The following HECW1 variants were observed in gnomAD, a reference collection of about 807,000 sequenced individuals.
HECW1 encodes the protein HECT, C2 and WW domain containing E3 ubiquitin protein ligase 1.
A neutral mutation model predicts 182.3 loss-of-function variants in HECW1; 61 were observed. The ratio of observed to expected loss-of-function variants is 0.33; its 90% confidence interval spans 0.27 to 0.41. HECW1 has a LOEUF of 0.41. Ranked by LOEUF, HECW1 falls within the 10% of genes least tolerant of loss-of-function variation. HECW1 has a pLI of 1.00. For missense variants in HECW1, 1,739 were observed against 2,108.9 expected, an observed-to-expected ratio of 0.82 and a Z score of 3.44; for synonymous variants, 859 against 832.6, an observed-to-expected ratio of 1.03 and a Z score of -0.55.
At chr7:43,373,009 C>G (rs892019690) in intron 6 of HECW1, among the ~76,000 whole-genome samples, 6 of 151,914 alleles carry the variant, frequency 3.9e-5, no homozygotes, top group African/African-American at 1.5e-4. Context: ...TTAATTAAAT[C>G]CAGAGATGAA....
intron 2 of HECW1, among the ~76,000 whole-genome samples, chr7:43,144,885 T>C (rs1788535335): frequency 1.3e-5 from 2 of 152,226 alleles, no homozygotes; most frequent in African/African-American, 4.8e-5. Context: ...AATTAAATTT[T>C]ATGTAGCAAA....
chr7:43,456,323 G>T lies in HECW1; in HGVS notation c.2527G>T (p.Gly843Trp). Reference sequence around the variant, plus strand: ...CTGGGAAGCTCGAATTGACAGCCACGGGCGGGTCTTTTATGTGGACCACGT... The same window carrying T: ...CTGGGAAGCTCGAATTGACAGCCACTGGCGGGTCTTTTATGTGGACCACGT... ...PNWEARIDSH[G>W]RVFYVDHVNR... The change falls in exon 13 of 30, where the codon GGG becomes TGG. Residue 843 changes from glycine (G) to tryptophan (W), a missense_variant. By Grantham distance (184) the Gly-to-Trp change is radical. Around this residue, in one of 5 missense-constraint regions of HECW1, gnomAD observed 971 missense variants for 1,029.1 expected, o/e 0.94. Coordinates refer to ENST00000395891, the MANE Select transcript of HECW1 (RefSeq NM_015052.5). The T allele has an allele frequency of 6.2e-7, 1 of 1,613,178 alleles. No homozygotes were observed. Among genetic ancestry groups the T allele is most frequent in the Non-Finnish European group, 8.5e-7 (1 of 1,179,460 alleles).
chr7:43,457,017 C>G (rs967877089), intron 13 of HECW1, among the ~76,000 whole-genome samples: 12 of 152,148 alleles, frequency 7.9e-5, no homozygotes, highest in Admixed American at 2.0e-4. Flanking sequence ...AAGCCTGCAT[C>G]TTAGAAAAAG....
At chr7:43,255,687 C>A (rs1023087756) in intron 3 of HECW1, among the ~76,000 whole-genome samples, 4 of 152,108 alleles carry the variant, frequency 2.6e-5, no homozygotes, top group Admixed American at 2.6e-4. Context: ...TCTTCTGGGC[C>A]ATGCACTGTG....
chr7:43,141,576 C>T (rs954614679), intron 2 of HECW1, among the ~76,000 whole-genome samples: 2 of 151,932 alleles, frequency 1.3e-5, no homozygotes, highest in East Asian at 1.9e-4. Context: ...CTCAGCTCAC[C>T]GCGCCTCCGC....
At chr7:43,232,916 A>G (rs181603915) in intron 2 of HECW1, among the ~76,000 whole-genome samples, 6 of 152,300 alleles carry the variant, frequency 3.9e-5, no homozygotes, top group Admixed American at 3.9e-4. Context: ...AAAAATATTC[A>G]TGGAACATTG....
chr7:43,497,236 T>C (rs2079155236), intron 19 of HECW1, among the ~76,000 whole-genome samples: 1 of 151,988 alleles, frequency 6.6e-6, no homozygotes, highest in Non-Finnish European at 1.5e-5. Context: ...GGAGAGAGTA[T>C]GCAATGGCCC....
intron 8 of HECW1, among the ~76,000 whole-genome samples, chr7:43,420,773 C>T (rs1007972638): frequency 6.6e-6 from 1 of 152,156 alleles, no homozygotes; most frequent in African/African-American, 2.4e-5. Context: ...CCGTGCACTA[C>T]CACTTTGCTG....
At chr7:43,261,201 T>C (rs1801132288) in intron 3 of HECW1, among the ~76,000 whole-genome samples, 1 of 152,182 alleles carries the variant, frequency 6.6e-6, no homozygotes, top group Non-Finnish European at 1.5e-5. Context: ...AGAGAAGTTA[T>C]GGCTAGTGAT....
chr7:43,380,302 G>A (rs934992953), intron 6 of HECW1, among the ~76,000 whole-genome samples: 4 of 152,094 alleles, frequency 2.6e-5, no homozygotes, highest in African/African-American at 4.8e-5. Flanking sequence ...GGGCTCAAGC[G>A]ATTCTCCTGT....
chr7:43,173,341 A>G (rs1487351764), intron 2 of HECW1, among the ~76,000 whole-genome samples: 1 of 152,170 alleles, frequency 6.6e-6, no homozygotes, highest in Non-Finnish European at 1.5e-5. Context: ...GTCAATAGAA[A>G]GTTTGGGTTT....
At chr7:43,384,228 T>C (rs1156957846) in intron 6 of HECW1, among the ~76,000 whole-genome samples, 1 of 152,092 alleles carries the variant, frequency 6.6e-6, no homozygotes, top group East Asian at 1.9e-4. Flanking sequence ...CACAAGTGAG[T>C]GTTGTCTTGG....
intron 24 of HECW1, among the ~76,000 whole-genome samples, chr7:43,520,733 C>G (rs2080430435): frequency 6.6e-6 from 1 of 152,200 alleles, no homozygotes; most frequent in East Asian, 1.9e-4. Flanking sequence ...GAAAGTGAAG[C>G]CTTGCCTCTG....
intron 22 of HECW1, among the ~76,000 whole-genome samples, chr7:43,507,476 G>C (rs1467805983): frequency 6.6e-6 from 1 of 152,160 alleles, no homozygotes; most frequent in African/African-American, 2.4e-5. Context: ...GAGAGGGAAA[G>C]AGAATGAGAA....
At chr7:43,340,751 C>T (rs941137889) in intron 5 of HECW1, among the ~76,000 whole-genome samples, 4 of 151,498 alleles carry the variant, frequency 2.6e-5, no homozygotes, top group South Asian at 4.2e-4. Flanking sequence ...GACAGTGTGG[C>T]GATTCCTCAA....
intron 21 of HECW1, among the ~76,000 whole-genome samples, chr7:43,503,718 G>T (rs2152925749): frequency 6.6e-6 from 1 of 152,260 alleles, no homozygotes; most frequent in East Asian, 1.9e-4. Flanking sequence ...ATCTACCCAG[G>T]TGCTACAGAG....
chr7:43,515,859 A>G (rs905486851), intron 24 of HECW1, among the ~76,000 whole-genome samples: 4 of 152,364 alleles, frequency 2.6e-5, no homozygotes, highest in Middle Eastern at 3.4e-3. Context: ...AAATGCTCGC[A>G]TATTTTGAAT....
intron 26 of HECW1, among the ~76,000 whole-genome samples, chr7:43,543,517 G>A (rs943638936): frequency 4.6e-5 from 7 of 152,100 alleles, no homozygotes; most frequent in South Asian, 2.1e-4. Flanking sequence ...GGTGGCTCAC[G>A]CCTGTAATCC....
chr7:43,236,783 G>A lies in HECW1; in HGVS notation c.-31-7092G>A, dbSNP rs540034516. Among the ~76,000 whole-genome samples, 415 of 152,194 alleles carry A rather than the reference G, an allele frequency of 2.7e-3. 3 individuals are homozygous for A. Among genetic ancestry groups the A allele is most frequent in the African/African-American group, 9.2e-3 (384 of 41,516 alleles). On this transcript the variant is annotated intron_variant, in intron 2 of 29. Transcript: ENST00000395891. ...GTGAAATTCAACAGAACTGTTTTAGGGTAAAGATCATGAGGCCCACAACAA... is the reference window on the plus strand; with the variant it reads ...GTGAAATTCAACAGAACTGTTTTAGAGTAAAGATCATGAGGCCCACAACAA...
Sources: allele counts gnomAD v4.1 joint callset (sites outside exome capture counted in the v4.1 genomes callset), GRCh38; gene constraint gnomAD v4.1.1; regional missense constraint gnomAD v4.1.1; transcripts MANE v1.5; gene names NCBI Gene and HGNC (gene_info 2026-07-23, HGNC 2026-07-21).